GSK3B: variants seen among roughly 807,000 people sequenced by gnomAD.
The protein encoded by GSK3B is glycogen synthase kinase 3 beta.
Under a neutral mutation model 56.4 loss-of-function variants are expected in GSK3B, and 15 were observed. That is an observed-to-expected ratio of 0.27 (90% CI 0.18 to 0.41). The LOEUF (loss-of-function observed/expected upper bound fraction) is 0.41, where lower values mean the gene tolerates loss of function less well. Among genes scored for constraint, GSK3B ranks in the 10% least tolerant of loss-of-function variants. The pLI, the probability that GSK3B is intolerant of heterozygous loss-of-function variation, is 1.00. For synonymous variants in GSK3B, 181 were observed against 188.9 expected (o/e 0.96, Z 0.34); for missense variants, 300 against 513.4 (o/e 0.58, Z 4.02).
intron 9 of GSK3B, among the ~76,000 whole-genome samples, chr3:119,855,377 G>C (rs1230151266): frequency 6.6e-6 from 1 of 152,188 alleles, no homozygotes; most frequent in Non-Finnish European, 1.5e-5. Context: ...TTACACTGTT[G>C]GTGGGACTGT....
At chr3:120,087,082 C>A (rs1343073741) in intron 1 of GSK3B, among the ~76,000 whole-genome samples, 1 of 152,166 alleles carries the variant, frequency 6.6e-6, no homozygotes, top group Non-Finnish European at 1.5e-5. Flanking sequence ...AACCTATGAG[C>A]AAAGTTTACA....
At chr3:120,015,323 T>C (rs116755725) in intron 1 of GSK3B, among the ~76,000 whole-genome samples, 3,936 of 152,222 alleles carry the variant, frequency 0.026, 81 homozygotes, top group Non-Finnish European at 0.041. Flanking sequence ...TAATTAAAAG[T>C]CTGAACCCCT....
rs1038908376 is a variant in GSK3B at position 119,824,004 on chromosome 3, G to A, written c.*2784C>T. 4 of 201,228 alleles carry A rather than the reference G, an allele frequency of 2.0e-5. No individual in the cohort carries two copies. The highest frequency in any genetic ancestry group is 9.2e-5 in the African/African-American group (4 of 43,412). The allele number at this position is 201,228 out of a possible 1,614,324, so 12.5% of individuals were successfully genotyped here. ...CTAGAGTTATTGTTACAATAATACA[G>A]GCCGGTACCTACTGTACAGAGTTAA... On this transcript the variant is annotated 3_prime_UTR_variant, in exon 11 of 11. Coordinates refer to ENST00000264235, the MANE Select transcript of GSK3B (RefSeq NM_001146156.2).
chr3:119,946,775 G>A (rs1343969382), intron 3 of GSK3B, among the ~76,000 whole-genome samples: 1 of 152,126 alleles, frequency 6.6e-6, no homozygotes. Context: ...CTTAAAGTAA[G>A]CTCTGCAATA....
At chr3:120,026,668 G>A (rs1175193352) in intron 1 of GSK3B, among the ~76,000 whole-genome samples, 1 of 150,278 alleles carries the variant, frequency 6.7e-6, no homozygotes, top group Non-Finnish European at 1.5e-5. Flanking sequence ...AGTGATTCTC[G>A]TGCCTCAGCC....
At chr3:120,026,261 G>C (rs908603299) in intron 1 of GSK3B, among the ~76,000 whole-genome samples, 1 of 152,072 alleles carries the variant, frequency 6.6e-6, no homozygotes, top group Non-Finnish European at 1.5e-5. Flanking sequence ...GGGATGCTAG[G>C]AAAAAACAAT....
At chr3:120,020,519 T>C (rs994509318) in intron 1 of GSK3B, among the ~76,000 whole-genome samples, 6 of 152,220 alleles carry the variant, frequency 3.9e-5, no homozygotes, top group African/African-American at 9.6e-5. Flanking sequence ...ATACCCATTA[T>C]GGTGATCTGT....
chr3:119,839,183 A>G (rs1289268788), intron 10 of GSK3B, among the ~76,000 whole-genome samples: 1 of 152,204 alleles, frequency 6.6e-6, no homozygotes, highest in Non-Finnish European at 1.5e-5. Context: ...TTGCTTTTTC[A>G]GAAGCAGCAA....
At chr3:120,007,337 A>G (rs574112928) in intron 1 of GSK3B, among the ~76,000 whole-genome samples, 247 of 152,324 alleles carry the variant, frequency 1.6e-3, no homozygotes, top group African/African-American at 5.7e-3. Context: ...AGGTACAAAG[A>G]GGAGCTGGTA....
chr3:120,019,270 G>T (rs964003443), intron 1 of GSK3B, among the ~76,000 whole-genome samples: 31 of 151,732 alleles, frequency 2.0e-4, no homozygotes, highest in African/African-American at 7.5e-4. Context: ...AAAAAATACT[G>T]AAACAGTTCA....
intron 7 of GSK3B, among the ~76,000 whole-genome samples, chr3:119,902,343 A>AGGAG (rs1402087002): frequency 1.3e-5 from 2 of 152,160 alleles, no homozygotes; most frequent in South Asian, 2.1e-4. Flanking sequence ...AATAATAGGA[A>AGGAG]GGAGGGAGGG....
intron 1 of GSK3B, among the ~76,000 whole-genome samples, chr3:120,050,328 C>G (rs1385447342): frequency 6.6e-6 from 1 of 152,196 alleles, no homozygotes; most frequent in Non-Finnish European, 1.5e-5. Flanking sequence ...AGTTTTAATG[C>G]TGAAAAACAA....
intron 3 of GSK3B, among the ~76,000 whole-genome samples, chr3:119,941,079 G>A (rs1036171024): frequency 6.8e-6 from 1 of 147,492 alleles, no homozygotes; most frequent in Non-Finnish European, 1.5e-5. Context: ...GCAATGGCTC[G>A]ATCTCGGCTC....
intron 10 of GSK3B, 52 bp from the exon 11 acceptor site, chr3:119,826,907 AAG>A (rs2055519509): frequency 9.3e-7 from 1 of 1,078,088 alleles, no homozygotes; most frequent in African/African-American, 1.5e-5. Flanking sequence ...ATAACAACAA[AAG>A]AGAACAAGTA....
intron 10 of GSK3B, among the ~76,000 whole-genome samples, chr3:119,831,438 A>G (rs545855659): frequency 2.7e-4 from 41 of 152,256 alleles, no homozygotes; most frequent in Non-Finnish European, 4.3e-4. Context: ...TGGGCGGATC[A>G]CAAAGTCAGG....
At chr3:119,890,108 A>T (rs1414782329) in intron 7 of GSK3B, among the ~76,000 whole-genome samples, 1 of 152,150 alleles carries the variant, frequency 6.6e-6, no homozygotes, top group Admixed American at 6.6e-5. Context: ...TACACTTACC[A>T]TATGATCAGC....
intron 3 of GSK3B, among the ~76,000 whole-genome samples, chr3:119,946,085 G>GA (rs758014999): frequency 0.033 from 4,087 of 122,596 alleles, 141 homozygotes; most frequent in African/African-American, 0.11. Flanking sequence ...CATTTAAACT[G>GA]AAAAAAAAAA....
chr3:119,972,955 T>C (rs2057380853), intron 2 of GSK3B, among the ~76,000 whole-genome samples: 1 of 152,242 alleles, frequency 6.6e-6, no homozygotes, highest in African/African-American at 2.4e-5. Context: ...CCAATTTGAC[T>C]GATGCTTGTC....
chr3:119,995,119 A>AG (rs1261319552), intron 2 of GSK3B, among the ~76,000 whole-genome samples: 3 of 150,816 alleles, frequency 2.0e-5, no homozygotes, highest in Non-Finnish European at 4.4e-5. Flanking sequence ...TAAGCCCAGG[A>AG]GTTTGAGACC....
Sources: gnomAD v4.1 joint callset for allele counts (sites outside exome capture counted in the v4.1 genomes callset) on GRCh38, gnomAD v4.1.1 for gene constraint, MANE v1.5 for transcripts, NCBI Gene and HGNC (gene_info 2026-07-23, HGNC 2026-07-21) for gene names.